LAIR1: variants seen among roughly 807,000 people sequenced by gnomAD.
LAIR1 encodes the protein leukocyte-associated immunoglobulin-like receptor 1.
Under a neutral mutation model 32.8 loss-of-function variants are expected in LAIR1, and 24 were observed. The observed-to-expected ratio is 0.73, with a 90% confidence interval of 0.53 to 1.03. The LOEUF is 1.03. Ranked by LOEUF, LAIR1 falls within the 50% of genes least tolerant of loss-of-function variation. The pLI, the probability that LAIR1 is intolerant of heterozygous loss-of-function variation, is 0.00. For synonymous variants in LAIR1, 150 were observed against 140.5 expected, an observed-to-expected ratio of 1.07 and a Z score of -0.48; for missense variants, 355 against 347.5, an observed-to-expected ratio of 1.02 and a Z score of -0.17.
chr19:54,368,713 A>G (rs2082329174), upstream of LAIR1: 1 of 151,764 alleles, frequency 6.6e-6, no homozygotes, highest in Non-Finnish European at 1.5e-5. Context: ...TTATTTATAT[A>G]TTTATTTTGA....
At chr19:54,367,767 A>ATAT (rs1555947056), upstream of LAIR1, among the ~76,000 whole-genome samples, 7 of 129,504 alleles carry the variant, frequency 5.4e-5, no homozygotes, top group African/African-American at 2.2e-4. Flanking sequence ...ATTTTTTTTA[A>ATAT]TTTTTTTTTT....
chr19:54,367,249 G>A (rs77596678), upstream of LAIR1, among the ~76,000 whole-genome samples: 172 of 152,288 alleles, frequency 1.1e-3, 2 homozygotes, highest in East Asian at 0.028. Context: ...CTCCTGAGAC[G>A]TGGTGACAGT....
intron 4 of LAIR1, among the ~76,000 whole-genome samples, chr19:54,359,246 G>T (rs1273451933): frequency 0.015 from 2,321 of 150,778 alleles, 32 homozygotes; most frequent in African/African-American, 0.054. Context: ...TGGGGAAGGG[G>T]CCGCGAATGG....
chr19:54,369,902 G>A (rs539702645), upstream of LAIR1, among the ~76,000 whole-genome samples: 10 of 150,492 alleles, frequency 6.6e-5, no homozygotes, highest in East Asian at 1.3e-3. Context: ...AGATGTGGTC[G>A]CCGTAATGAT....
In LAIR1 at chr19:54,354,475, C is replaced by T. The variant is rs1246353015; in HGVS notation, c.*793G>A. On this transcript the variant is annotated 3_prime_UTR_variant, in exon 10 of 10. Coordinates refer to ENST00000391742, the MANE Select transcript of LAIR1 (RefSeq NM_002287.6). ...GCGCTGAGGAATTGATTGTGACTGT[C>T]ATTGCACAATGTACGTGTACGACAA... 3.9e-5 allele frequency: 6 copies of T among 152,238 alleles called. No individual in the cohort carries two copies. Among genetic ancestry groups the T allele is most frequent in the African/African-American group, 1.2e-4 (5 of 41,430 alleles). 9.4% of individuals were successfully genotyped at this position (152,238 alleles called of 1,614,324 possible). A position where few individuals can be genotyped will look rare whatever the true frequency, so the allele number is the denominator to read the frequency against.
chr19:54,372,628 T>C (rs2082435467), upstream of LAIR1, among the ~76,000 whole-genome samples: 1 of 150,362 alleles, frequency 6.7e-6, no homozygotes, highest in South Asian at 2.1e-4. Flanking sequence ...GTAACTGGGA[T>C]TACAGGCATG....
At chr19:54,365,995 G>A (rs985048932), upstream of LAIR1, among the ~76,000 whole-genome samples, 10 of 152,130 alleles carry the variant, frequency 6.6e-5, no homozygotes, top group African/African-American at 2.4e-4. Context: ...GAAACCTGAG[G>A]ACATCACGCC....
At chr19:54,375,091 G>A (rs528473651), upstream of LAIR1, among the ~76,000 whole-genome samples, 4 of 152,212 alleles carry the variant, frequency 2.6e-5, no homozygotes, top group East Asian at 1.9e-4. Context: ...ACTCGATGAC[G>A]TCTGTAAGCT....
rs1405760729 is a variant in LAIR1 at position 54,351,686 on chromosome 19, G to A, written c.*3582C>T. 6 of 152,182 alleles carry A rather than the reference G, an allele frequency of 3.9e-5. No homozygotes were observed. In the South Asian group the frequency reaches 8.3e-4, roughly 21 times the overall value. The allele number at this position is 152,182 out of a possible 1,614,324, so 9.4% of individuals were successfully genotyped here. Reference sequence around the variant, plus strand: ...TAAGCAGGAGCCAAGAGTGAAACACGCTCTTGCTCCTCTTCCTAGCAAGAG... The same window carrying A: ...TAAGCAGGAGCCAAGAGTGAAACACACTCTTGCTCCTCTTCCTAGCAAGAG... On this transcript the variant is annotated 3_prime_UTR_variant, in exon 10 of 10. Coordinates refer to ENST00000391742, the MANE Select transcript of LAIR1 (RefSeq NM_002287.6).
In LAIR1 at chr19:54,355,463, C is replaced by T. The variant is rs754166751; in HGVS notation, c.718-49G>A. ...AGGGAGTGCCTGGTGGAGGGTGAGA[C>T]GAGGGGCTGTGGGGAGGGAGGGCTG... On this transcript the variant is annotated intron_variant, in intron 9 of 9. Coordinates refer to ENST00000391742, the MANE Select transcript of LAIR1 (RefSeq NM_002287.6). The surrounding 1 kb of genome is among the most constrained non-coding windows in gnomAD (Gnocchi z 4.7). 5.3e-6 allele frequency: 8 copies of T among 1,512,136 alleles called. No individual in the cohort carries two copies. Among genetic ancestry groups the T allele is most frequent in the East Asian group, 2.3e-5 (1 of 43,032 alleles). The allele number at this position is 1,512,136 out of a possible 1,614,324, so 93.7% of individuals were successfully genotyped here.
chr19:54,374,500 A>G (rs1176461880), upstream of LAIR1, among the ~76,000 whole-genome samples: 1 of 152,136 alleles, frequency 6.6e-6, no homozygotes, highest in African/African-American at 2.4e-5. Context: ...CTGAACCCAG[A>G]CAACCCCTGG....
At chr19:54,367,072 C>T (rs1305227008), upstream of LAIR1, among the ~76,000 whole-genome samples, 2 of 152,066 alleles carry the variant, frequency 1.3e-5, no homozygotes, top group Non-Finnish European at 2.9e-5. Flanking sequence ...TCATCTACCC[C>T]ATAAATATAT....
rs997662576 is a variant in LAIR1 at position 54,356,567 on chromosome 19, C to A, written c.507G>T (p.Gly169=). 1.2e-5 allele frequency: 19 copies of A among 1,613,744 alleles called. No individual in the cohort carries two copies. The highest frequency in any genetic ancestry group is 1.5e-5 in the Non-Finnish European group (18 of 1,179,976). The change falls in exon 6 of 10, where the codon GGG becomes GGT. Residue 169 remains glycine, a synonymous_variant. Transcript: ENST00000391742. ...LKAEHLYILI[G]VSVVFLFCLL... is the part of the protein sequence containing the mutation. ...GACAGAAGAGGAAGACCACTGAGACCCCGATGAGAATATACAGATGCTCAG... is the reference window on the plus strand; with the variant it reads ...GACAGAAGAGGAAGACCACTGAGACACCGATGAGAATATACAGATGCTCAG...
chr19:54,358,905 C>T (rs893169216), intron 4 of LAIR1, among the ~76,000 whole-genome samples: 9 of 151,952 alleles, frequency 5.9e-5, no homozygotes, highest in Admixed American at 5.9e-4. Context: ...TCCTCGTGAC[C>T]TTTATATGTC....
At chr19:54,362,030 C>G (rs2082051154) in intron 2 of LAIR1, among the ~76,000 whole-genome samples, 1 of 151,542 alleles carries the variant, frequency 6.6e-6, no homozygotes, top group Non-Finnish European at 1.5e-5. Context: ...CGTCTTCATT[C>G]ATTCCTTATT....
upstream of LAIR1, among the ~76,000 whole-genome samples, chr19:54,366,979 G>A (rs1293893737): frequency 6.6e-6 from 1 of 152,126 alleles, no homozygotes; most frequent in African/African-American, 2.4e-5. Context: ...TTTCAGGGGA[G>A]GAATTCAAGT....
At chr19:54,368,247 A>G (rs2082316628), upstream of LAIR1, 1 of 152,188 alleles carries the variant, frequency 6.6e-6, no homozygotes, top group Non-Finnish European at 1.5e-5. Context: ...GGACAAGGAT[A>G]AAGTGCAGGG....
At chr19:54,368,099 A>C (rs1235267715), upstream of LAIR1, 2 of 152,124 alleles carry the variant, frequency 1.3e-5, no homozygotes, top group Non-Finnish European at 2.9e-5. Flanking sequence ...TAAGAGATAT[A>C]AAAACTAAGT....
upstream of LAIR1, among the ~76,000 whole-genome samples, chr19:54,367,992 T>C (rs1472673007): frequency 6.6e-6 from 1 of 151,592 alleles, no homozygotes; most frequent in East Asian, 2.0e-4. Flanking sequence ...CAGGATGGTC[T>C]CGATCTCCTG....
Sources: gnomAD v4.1 joint callset for allele counts (sites outside exome capture counted in the v4.1 genomes callset) on GRCh38, gnomAD v4.1.1 for gene constraint, Gnocchi (gnomAD v3.1) non-coding constraint, MANE v1.5 for transcripts, NCBI Gene and HGNC (gene_info 2026-07-23, HGNC 2026-07-21) for gene names.